Variants in LSM14A observed in about 807,000 individuals in gnomAD.
LSM14A encodes the protein LSM14A mRNA processing body assembly factor.
LSM14A carries 14 observed loss-of-function variants against 52.4 expected under a neutral mutation model. The ratio of observed to expected loss-of-function variants is 0.27; its 90% confidence interval spans 0.18 to 0.42. LSM14A has a LOEUF of 0.42. Among genes scored for constraint, LSM14A ranks in the 10% least tolerant of loss-of-function variants. The pLI is 1.00. For synonymous variants in LSM14A, 185 were observed against 200.3 expected (o/e 0.92, Z 0.64); for missense variants, 417 against 581.8 (o/e 0.72, Z 2.91).
In LSM14A at chr19:34,219,438, G is replaced by A; in HGVS notation, c.829G>A (p.Gly277Ser). 2 of 1,613,942 alleles carry A rather than the reference G, an allele frequency of 1.2e-6. No individual in the cohort carries two copies. The highest frequency in any genetic ancestry group is 1.7e-5 in the Admixed American group (1 of 59,994). ...APRRGRGGHRGGRGRFGIRRD... is the reference protein window; with the variant it reads ...APRRGRGGHRSGRGRFGIRRD... ...AAGGAGAGGGCGTGGGGGTCATCGG[G>A]GTGGCAGGGGAAGATTTGGTATTCG... Residue 277 changes from glycine to serine, a missense_variant, in exon 7 of 10, where the codon GGT (glycine) becomes AGT (serine). This residue lies in a region of LSM14A where 357 missense variants were observed against 457.0 expected (regional missense o/e 0.78). Transcript: ENST00000544216.
At chr19:34,175,348 A>T (rs1255579814) in intron 1 of LSM14A, among the ~76,000 whole-genome samples, 2 of 151,752 alleles carry the variant, frequency 1.3e-5, no homozygotes, top group Admixed American at 6.6e-5. Flanking sequence ...CTCCTGCCTC[A>T]GCCTCCTGAG....
intron 9 of LSM14A, among the ~76,000 whole-genome samples, chr19:34,222,524 C>A (rs1182340092): frequency 1.3e-5 from 2 of 152,164 alleles, no homozygotes; most frequent in African/African-American, 2.4e-5. Flanking sequence ...AGGGCTATAA[C>A]AGAAAGGACC....
At chr19:34,198,011 A>G (rs2070993786) in intron 3 of LSM14A, among the ~76,000 whole-genome samples, 1 of 148,520 alleles carries the variant, frequency 6.7e-6, no homozygotes, top group Non-Finnish European at 1.5e-5. Flanking sequence ...CATGGTAAAG[A>G]ACAGCTTTTA....
At chr19:34,177,260 T>C (rs548193882) in intron 1 of LSM14A, among the ~76,000 whole-genome samples, 1 of 152,338 alleles carries the variant, frequency 6.6e-6, no homozygotes, top group South Asian at 2.1e-4. Flanking sequence ...GGCTAGTGTT[T>C]CTTTTTTTAA....
chr19:34,220,573 G>A (rs2072987875), intron 8 of LSM14A, among the ~76,000 whole-genome samples: 1 of 152,096 alleles, frequency 6.6e-6, no homozygotes, highest in South Asian at 2.1e-4. Flanking sequence ...AAAGGACCCA[G>A]TGTGAGGAAC....
chr19:34,209,294 T>C (rs1196793211), intron 4 of LSM14A, among the ~76,000 whole-genome samples: 2 of 152,264 alleles, frequency 1.3e-5, no homozygotes, highest in Admixed American at 1.3e-4. Flanking sequence ...AGTTGGACTT[T>C]TTTTGCAAAG....
At chr19:34,174,623 T>G (rs1334268342) in intron 1 of LSM14A, among the ~76,000 whole-genome samples, 1 of 152,204 alleles carries the variant, frequency 6.6e-6, no homozygotes, top group African/African-American at 2.4e-5. Context: ...AGTAACTTAG[T>G]TTTTGCTTGG....
At chr19:34,225,655 C>T (rs2073302694) in intron 9 of LSM14A, among the ~76,000 whole-genome samples, 1 of 152,144 alleles carries the variant, frequency 6.6e-6, no homozygotes, top group Non-Finnish European at 1.5e-5. Context: ...ACCACACTCA[C>T]ATTAGATGAT....
chr19:34,203,662 G>A (rs1302393209), intron 3 of LSM14A, among the ~76,000 whole-genome samples: 1 of 152,058 alleles, frequency 6.6e-6, no homozygotes, highest in South Asian at 2.1e-4. Context: ...AATGAGCCGG[G>A]CTTGGTGGCG....
chr19:34,206,106 T>A (rs1234501096), intron 3 of LSM14A, among the ~76,000 whole-genome samples: 2 of 152,234 alleles, frequency 1.3e-5, no homozygotes, highest in Non-Finnish European at 2.9e-5. Context: ...CTAATGAAAT[T>A]GAAACAGTAA....
intron 9 of LSM14A, among the ~76,000 whole-genome samples, chr19:34,224,989 AC>A (rs2073264314): frequency 6.6e-6 from 1 of 151,946 alleles, no homozygotes; most frequent in South Asian, 2.1e-4. Flanking sequence ...TCCTCTTCTG[AC>A]CTGTGGCTAT....
chr19:34,188,951 A>G (rs2070147501), intron 1 of LSM14A, among the ~76,000 whole-genome samples: 1 of 152,048 alleles, frequency 6.6e-6, no homozygotes. Flanking sequence ...TTTGTATACA[A>G]GTTTCTGTGT....
intron 3 of LSM14A, among the ~76,000 whole-genome samples, chr19:34,200,621 T>C (rs1382166251): frequency 6.6e-6 from 1 of 152,220 alleles, no homozygotes. Flanking sequence ...GTGAGGAATA[T>C]ATTGATATTC....
At chr19:34,187,093 C>G (rs2069967265) in intron 1 of LSM14A, among the ~76,000 whole-genome samples, 1 of 146,464 alleles carries the variant, frequency 6.8e-6, no homozygotes, top group Non-Finnish European at 1.5e-5. Context: ...AAAAAAAATA[C>G]AAACATTAGC....
intron 2 of LSM14A, among the ~76,000 whole-genome samples, chr19:34,196,228 A>G (rs563461153): frequency 6.6e-6 from 1 of 152,306 alleles, no homozygotes; most frequent in South Asian, 2.1e-4. Context: ...AGTAGGCCTC[A>G]AATGATTGAA....
At chr19:34,222,392 A>G (rs911353308) in intron 9 of LSM14A, among the ~76,000 whole-genome samples, 3 of 152,278 alleles carry the variant, frequency 2.0e-5, no homozygotes, top group African/African-American at 7.2e-5. Flanking sequence ...GTAACTCTGT[A>G]TAGTAGCCTT....
chr19:34,194,639 C>A lies in LSM14A; in HGVS notation c.283C>A (p.Gln95Lys). 6.2e-7 allele frequency: 1 copy of A among 1,614,130 alleles called. No homozygotes were observed. The highest frequency in any genetic ancestry group is 8.5e-7 in the Non-Finnish European group (1 of 1,179,990). Residue 95 changes from glutamine (Q) to lysine (K), a missense_variant and splice_region_variant, in exon 2 of 10, where the codon CAG (glutamine) becomes AAG (lysine). Physicochemically the swap from Gln to Lys is moderately conservative, Grantham distance 53. Coordinates refer to ENST00000544216, the MANE Select transcript of LSM14A (RefSeq NM_015578.4). ...TTTGCCTCAAGACCCAGCTATTGTTCAGGTAACTGATGGTAAATTTGTCTT... is the reference window on the plus strand; with the variant it reads ...TTTGCCTCAAGACCCAGCTATTGTTAAGGTAACTGATGGTAAATTTGTCTT... ...CSLPQDPAIV[Q>K]SSLGSSTSSF...
chr19:34,194,879 C>CTAA (rs2070726742), intron 2 of LSM14A, among the ~76,000 whole-genome samples: 1 of 152,098 alleles, frequency 6.6e-6, no homozygotes, highest in South Asian at 2.1e-4. Flanking sequence ...CAACAATTAC[C>CTAA]ATAGCTAACA....
rs1238385582 is a variant in LSM14A, at chr19:34,227,834, G to GTGTGTGTGTA, written c.*451_*452insGTGTATGTGT. On this transcript the variant is annotated 3_prime_UTR_variant, in exon 10 of 10. Transcript: ENST00000544216. ...TGTGTGTGTGTGTGTGTGTGTATGTGTGTGTCTTTTTCCTCCTTTCTTTTG... is the reference window on the plus strand; with the variant it reads ...TGTGTGTGTGTGTGTGTGTGTATGTGTGTGTGTGTATGTGTCTTTTTCCTCCTTTCTTTTG... The GTGTGTGTGTA allele has an allele frequency of 6.5e-6, 1 of 153,648 alleles. No individual in the cohort carries two copies. Among genetic ancestry groups the GTGTGTGTGTA allele is most frequent in the Non-Finnish European group, 1.4e-5 (1 of 69,906 alleles). The allele number at this position is 153,648 out of a possible 1,614,324, so 9.5% of individuals were successfully genotyped here.
Sources: gnomAD v4.1 joint callset for allele counts (sites outside exome capture counted in the v4.1 genomes callset) on GRCh38, gnomAD v4.1.1 for gene constraint, gnomAD v4.1.1 regional missense constraint, MANE v1.5 for transcripts, NCBI Gene and HGNC (gene_info 2026-07-23, HGNC 2026-07-21) for gene names.